Variants in TRIO observed in about 807,000 individuals in gnomAD.
The protein encoded by TRIO is triple functional domain protein.
Under a neutral mutation model 351.9 loss-of-function variants are expected in TRIO, and 58 were observed. That is an observed-to-expected ratio of 0.16 (90% CI 0.13 to 0.21). The LOEUF is 0.21. TRIO is among the 10% of genes least tolerant of loss of function. The pLI is 1.00. For synonymous variants in TRIO, 1,758 were observed against 1,595.7 expected, an observed-to-expected ratio of 1.10 and a Z score of -2.42; for missense variants, 3,201 against 4,027.8, an observed-to-expected ratio of 0.79 and a Z score of 5.56.
At chr5:14,454,866 T>C (rs1753142642) in intron 34 of TRIO, among the ~76,000 whole-genome samples, 1 of 152,214 alleles carries the variant, frequency 6.6e-6, no homozygotes, top group Non-Finnish European at 1.5e-5. Flanking sequence ...TTCCTTCTGA[T>C]GTTCAGACGT....
intron 34 of TRIO, among the ~76,000 whole-genome samples, chr5:14,459,955 G>T (rs764739504): frequency 1.3e-5 from 2 of 151,170 alleles, no homozygotes; most frequent in African/African-American, 4.9e-5. Context: ...TCGCTCTGTC[G>T]TTCCGGCTGG....
intron 6 of TRIO, 81 bp downstream of exon 6, chr5:14,293,215 G>T: frequency 6.3e-7 from 1 of 1,588,128 alleles, no homozygotes; most frequent in Non-Finnish European, 8.6e-7. Context: ...TGTATGCTAG[G>T]GCTTTCAAGG....
At chr5:14,483,306 G>A (rs1755669597) in intron 46 of TRIO, among the ~76,000 whole-genome samples, 1 of 152,216 alleles carries the variant, frequency 6.6e-6, no homozygotes. Flanking sequence ...GTCTGTAAAA[G>A]GGACAAACCA....
chr5:14,479,395 T>A lies in TRIO; in HGVS notation c.6243+45T>A, dbSNP rs748437186. 2.0e-6 allele frequency: 3 copies of A among 1,518,310 alleles called. No individual in the cohort carries two copies. The South Asian group carries it at 3.6e-5, about 18-fold the overall frequency. The allele number at this position is 1,518,310 out of a possible 1,614,324, so 94.1% of individuals were successfully genotyped here. A position where few individuals can be genotyped will look rare whatever the true frequency, so the allele number is the denominator to read the frequency against. On this transcript the variant is annotated intron_variant, in intron 42 of 56. Transcript: ENST00000344204. The stretch of plus-strand genomic sequence containing the variant: ...CAGAAAGTATTTCTGAATCTTTTGT[T>A]CCAACTTATTTCTAAAAATGAAAGT...
chr5:14,422,904 C>G (rs968147850), intron 34 of TRIO, among the ~76,000 whole-genome samples: 2 of 152,114 alleles, frequency 1.3e-5, no homozygotes, highest in African/African-American at 4.8e-5. Flanking sequence ...GTGGGAGGAT[C>G]GCTTGAGGCC....
chr5:14,436,301 C>G (rs532781185), intron 34 of TRIO, among the ~76,000 whole-genome samples: 27 of 152,148 alleles, frequency 1.8e-4, no homozygotes, highest in Non-Finnish European at 4.0e-4. Flanking sequence ...ACCGTCAGGT[C>G]TTATGAGACT....
chr5:14,402,032 A>G (rs1220001879), intron 31 of TRIO, among the ~76,000 whole-genome samples: 1 of 152,128 alleles, frequency 6.6e-6, no homozygotes, highest in African/African-American at 2.4e-5. Context: ...TTTTGTTCAT[A>G]TGTGATAGTG....
chr5:14,487,849 G>A lies in TRIO; in HGVS notation c.7221G>A (p.Glu2407=). 1 of 1,527,476 alleles carries A rather than the reference G, an allele frequency of 6.5e-7. No homozygotes were observed. The highest frequency in any genetic ancestry group is 2.0e-5 in the Admixed American group (1 of 48,842). 94.6% of individuals were successfully genotyped at this position (1,527,476 alleles called of 1,614,324 possible). The change falls in exon 48 of 57, where the codon GAG becomes GAA. Residue 2407 remains glutamate (E), a synonymous_variant. Coordinates refer to ENST00000344204, the MANE Select transcript of TRIO (RefSeq NM_007118.4). Reference sequence around the variant, plus strand: ...CCGAGGGGTCCGAGCGAGAAGCGGAGCCGATCCCCAAGATGAAGGTGCTGG... The same window carrying A: ...CCGAGGGGTCCGAGCGAGAAGCGGAACCGATCCCCAAGATGAAGGTGCTGG... ...ADAEGSEREA[E]PIPKMKVLES... is the part of the protein sequence containing the mutation.
chr5:14,256,815 T>C (rs1302941196), intron 1 of TRIO, among the ~76,000 whole-genome samples: 1 of 152,246 alleles, frequency 6.6e-6, no homozygotes, highest in Non-Finnish European at 1.5e-5. Flanking sequence ...ACTGATGATA[T>C]CGTACTGTGA....
At chr5:14,405,346 G>A (rs1748609321) in intron 31 of TRIO, among the ~76,000 whole-genome samples, 1 of 152,218 alleles carries the variant, frequency 6.6e-6, no homozygotes, top group Admixed American at 6.5e-5. Context: ...GGGAGTGGAT[G>A]ACAGCATGCG....
Position 14,487,927 on chromosome 5 carries a change from C to A in TRIO, c.7299C>A (p.Pro2433=). ...CCTCGGGGTCGAGCCCAGACGCCCCCGCCAAGGACGCGCGCGCTAGCCTGG... is the reference window on the plus strand; with the variant it reads ...CCTCGGGGTCGAGCCCAGACGCCCCAGCCAAGGACGCGCGCGCTAGCCTGG... ...ANASGSSPDA[P]AKDARASLGT... The change falls in exon 48 of 57, where the codon CCC becomes CCA. Residue 2433 remains proline (P), a synonymous_variant. Transcript: ENST00000344204. 1 of 1,539,422 alleles carries A rather than the reference C, an allele frequency of 6.5e-7. No homozygotes were observed. Among genetic ancestry groups the A allele is most frequent in the South Asian group, 1.2e-5 (1 of 83,074 alleles).
intron 27 of TRIO, 67 bp from the exon 28 acceptor site, chr5:14,393,971 T>C: frequency 9.3e-7 from 1 of 1,078,032 alleles, no homozygotes; most frequent in East Asian, 2.4e-5. Flanking sequence ...AAGTAATGTG[T>C]TTTATGGCCA....
intron 19 of TRIO, among the ~76,000 whole-genome samples, chr5:14,376,371 G>A (rs1244989360): frequency 6.6e-6 from 1 of 152,160 alleles, no homozygotes; most frequent in Non-Finnish European, 1.5e-5. Context: ...AAATACATAT[G>A]TTAGCTAATT....
intron 1 of TRIO, among the ~76,000 whole-genome samples, chr5:14,145,003 G>A (rs2152111501): frequency 6.6e-6 from 1 of 152,230 alleles, no homozygotes; most frequent in Middle Eastern, 3.4e-3. Flanking sequence ...GGGTTGGAGA[G>A]CGGAGGAGGG....
chr5:14,489,566 C>T (rs1192064710), intron 48 of TRIO, among the ~76,000 whole-genome samples: 2 of 152,224 alleles, frequency 1.3e-5, no homozygotes, highest in Non-Finnish European at 2.9e-5. Context: ...AGCTGTGACC[C>T]TCGCTGAATC....
intron 3 of TRIO, among the ~76,000 whole-genome samples, chr5:14,284,760 C>T (rs1248132449): frequency 6.6e-6 from 1 of 152,228 alleles, no homozygotes; most frequent in Non-Finnish European, 1.5e-5. Flanking sequence ...ACAGTGCGGT[C>T]TACCAAACAG....
At chr5:14,161,979 G>A (rs995966658) in intron 1 of TRIO, among the ~76,000 whole-genome samples, 4 of 152,158 alleles carry the variant, frequency 2.6e-5, no homozygotes, top group African/African-American at 9.7e-5. Flanking sequence ...TTGGCCTCCT[G>A]AAGTGCTGGG....
intron 11 of TRIO, among the ~76,000 whole-genome samples, chr5:14,350,969 C>T (rs1043108687): frequency 1.2e-4 from 18 of 152,126 alleles, no homozygotes; most frequent in Non-Finnish European, 1.5e-5. Context: ...CTGGATTCCT[C>T]GCATGCACAA....
In TRIO at chr5:14,487,446, C is replaced by T. The variant is rs1225819277; in HGVS notation, c.6836-18C>T. 12 of 1,093,490 alleles carry T rather than the reference C, an allele frequency of 1.1e-5. No individual in the cohort carries two copies. The highest frequency in any genetic ancestry group is 1.1e-5 in the Non-Finnish European group (10 of 881,768). The allele number at this position is 1,093,490 out of a possible 1,614,324, so 67.7% of individuals were successfully genotyped here. A position where few individuals can be genotyped will look rare whatever the true frequency, so the allele number is the denominator to read the frequency against. ...CTTGGCGCCCTGACCCAGTCTCTCCCGCTGTCTTGTCTTACAGCCTTGACA... is the reference window on the plus strand; with the variant it reads ...CTTGGCGCCCTGACCCAGTCTCTCCTGCTGTCTTGTCTTACAGCCTTGACA... On this transcript the variant is annotated intron_variant, in intron 47 of 56. Coordinates refer to ENST00000344204, the MANE Select transcript of TRIO (RefSeq NM_007118.4).
Sources: allele counts gnomAD v4.1 joint callset (sites outside exome capture counted in the v4.1 genomes callset), GRCh38; gene constraint gnomAD v4.1.1; transcripts MANE v1.5; gene names NCBI Gene and HGNC (gene_info 2026-07-23, HGNC 2026-07-21).